The following MAMDC2 variants were observed in gnomAD, a reference collection of about 807,000 sequenced individuals.
The protein encoded by MAMDC2 is MAM domain containing 2, also known as MAM domain-containing protein 2.
MAMDC2 carries 57 observed loss-of-function variants against 89.8 expected under a neutral mutation model. The ratio of observed to expected loss-of-function variants is 0.63; its 90% confidence interval spans 0.51 to 0.79. The LOEUF (loss-of-function observed/expected upper bound fraction) is 0.79, where lower values mean the gene tolerates loss of function less well. Ranked by LOEUF, MAMDC2 falls within the 30% of genes least tolerant of loss-of-function variation. The pLI is 0.00. For missense variants in MAMDC2, 800 were observed against 820.6 expected, an observed-to-expected ratio of 0.97 and a Z score of 0.31; for synonymous variants, 313 against 293.4, an observed-to-expected ratio of 1.07 and a Z score of -0.68.
chr9:70,054,529 A>G (rs943765746), intron 2 of MAMDC2, among the ~76,000 whole-genome samples: 2 of 152,194 alleles, frequency 1.3e-5, no homozygotes, highest in Non-Finnish European at 2.9e-5. Context: ...TAGATGTGAG[A>G]AGAAAGGGGT....
At chr9:70,160,725 T>A (rs369616983) in intron 9 of MAMDC2, among the ~76,000 whole-genome samples, 2 of 152,204 alleles carry the variant, frequency 1.3e-5, no homozygotes, top group African/African-American at 4.8e-5. Context: ...AGGGAAGAGC[T>A]GCTGTGGAAA....
chr9:70,113,754 C>A (rs975255623), intron 5 of MAMDC2: 1 of 152,492 alleles, frequency 6.6e-6, no homozygotes, highest in Admixed American at 6.5e-5. Context: ...ACTGCTCTCA[C>A]CTGGACCCTG....
At chr9:70,206,681 C>T (rs2033230848) in intron 11 of MAMDC2, among the ~76,000 whole-genome samples, 1 of 151,988 alleles carries the variant, frequency 6.6e-6, no homozygotes, top group Non-Finnish European at 1.5e-5. Context: ...GCACAACGTA[C>T]ACATTTGTTA....
rs183106297 is a variant in MAMDC2, at chr9:70,151,097, C to A, written c.1404+7278C>A. 1.9e-3 allele frequency among the ~76,000 whole-genome samples: 285 copies of A among 152,302 alleles called. 1 individual carries two copies. Among genetic ancestry groups the A allele is most frequent in the Non-Finnish European group, 2.6e-3 (179 of 68,024 alleles). ...TCTCTCTGTTCCTTGAGTCCCAAGG[C>A]CTTTCCTAGCCCAGGGCCAGTGCTC... On this transcript the variant is annotated intron_variant, in intron 9 of 13. Coordinates refer to ENST00000377182, the MANE Select transcript of MAMDC2 (RefSeq NM_153267.5).
At chr9:70,060,903 T>C (rs1827135189) in intron 2 of MAMDC2, among the ~76,000 whole-genome samples, 1 of 152,214 alleles carries the variant, frequency 6.6e-6, no homozygotes. Flanking sequence ...TCAGGTAACA[T>C]GGAAAACACT....
At chr9:70,131,253 C>A (rs2030794116) in intron 6 of MAMDC2, among the ~76,000 whole-genome samples, 1 of 152,130 alleles carries the variant, frequency 6.6e-6, no homozygotes, top group South Asian at 2.1e-4. Flanking sequence ...ATTACCATTC[C>A]CTTAGGGGTT....
intron 5 of MAMDC2, among the ~76,000 whole-genome samples, chr9:70,118,062 G>A (rs2030089136): frequency 6.6e-6 from 1 of 152,178 alleles, no homozygotes; most frequent in Admixed American, 6.5e-5. Context: ...AATGTAGCAT[G>A]TGCAAAAGTG....
chr9:70,132,995 A>G (rs2030866366), intron 7 of MAMDC2, among the ~76,000 whole-genome samples: 1 of 152,224 alleles, frequency 6.6e-6, no homozygotes, highest in Admixed American at 6.5e-5. Context: ...AACAATAATC[A>G]AAGATTAAAA....
At chr9:70,105,454 A>G (rs1214375082) in intron 2 of MAMDC2, among the ~76,000 whole-genome samples, 1 of 152,152 alleles carries the variant, frequency 6.6e-6, no homozygotes, top group Non-Finnish European at 1.5e-5. Flanking sequence ...GTCTAGGAAA[A>G]TGCATCATTC....
At chr9:70,093,889 A>G (rs1250881109) in intron 2 of MAMDC2, 1 of 152,176 alleles carries the variant, frequency 6.6e-6, no homozygotes, top group Non-Finnish European at 1.5e-5. Context: ...GTTAAATACC[A>G]TATAAAGTGA....
At chr9:70,101,472 C>T (rs1323616821) in intron 2 of MAMDC2, among the ~76,000 whole-genome samples, 4 of 152,198 alleles carry the variant, frequency 2.6e-5, no homozygotes, top group Non-Finnish European at 5.9e-5. Context: ...CTCACTGACT[C>T]ACCCACACCA....
chr9:70,178,398 A>C (rs2118563902), intron 11 of MAMDC2, among the ~76,000 whole-genome samples: 2 of 152,204 alleles, frequency 1.3e-5, no homozygotes, highest in Middle Eastern at 6.8e-3. Context: ...AATGGCATTA[A>C]TCCATTAACA....
chr9:70,057,271 A>T (rs1827044096), intron 2 of MAMDC2, among the ~76,000 whole-genome samples: 1 of 152,198 alleles, frequency 6.6e-6, no homozygotes, highest in Non-Finnish European at 1.5e-5. Context: ...ATTAAAGAAC[A>T]TATCAATAAT....
At chr9:70,151,998 CAT>C (rs932238469) in intron 9 of MAMDC2, among the ~76,000 whole-genome samples, 4 of 152,126 alleles carry the variant, frequency 2.6e-5, no homozygotes, top group African/African-American at 7.2e-5. Flanking sequence ...TGAGTTGTCA[CAT>C]GTGACCAGAG....
At chr9:70,180,689 C>T (rs1015658727) in intron 11 of MAMDC2, among the ~76,000 whole-genome samples, 5 of 152,104 alleles carry the variant, frequency 3.3e-5, no homozygotes, top group African/African-American at 7.2e-5. Flanking sequence ...TCATATCCTT[C>T]GGCCACTTTT....
Position 70,126,381 on chromosome 9 carries a change from C to A in MAMDC2, c.866C>A (p.Ala289Glu), listed in dbSNP as rs147526021. ...CCAGGGAATGCTGCCTGGAACCTTG[C>A]GGAGGTCGAGTTCAGTGCTCCTTAC... ...DRPGNAAWNL[A>E]EVEFSAPYPM... is the part of the protein sequence containing the mutation. The change falls in exon 6 of 14, where the codon GCG (alanine) becomes GAG (glutamate). Residue 289 changes from alanine (A) to glutamate (E), a missense_variant. Coordinates refer to ENST00000377182, the MANE Select transcript of MAMDC2 (RefSeq NM_153267.5). 3.7e-6 allele frequency: 6 copies of A among 1,613,768 alleles called. No homozygotes were observed. The East Asian group carries it at 6.7e-5, about 18-fold the overall frequency.
intron 2 of MAMDC2, among the ~76,000 whole-genome samples, chr9:70,064,314 C>G (rs1044678042): frequency 6.6e-6 from 1 of 152,012 alleles, no homozygotes; most frequent in Non-Finnish European, 1.5e-5. Flanking sequence ...TATCCCTTAC[C>G]CCCTTTCCAC....
intron 11 of MAMDC2, among the ~76,000 whole-genome samples, chr9:70,203,743 C>G (rs1414318850): frequency 8.2e-6 from 1 of 122,068 alleles, no homozygotes; most frequent in Non-Finnish European, 1.7e-5. Flanking sequence ...TTCTTGGAGG[C>G]TTTGCTCATT....
chr9:70,077,108 G>T (rs1827548981), intron 2 of MAMDC2, among the ~76,000 whole-genome samples: 1 of 152,140 alleles, frequency 6.6e-6, no homozygotes, highest in Non-Finnish European at 1.5e-5. Context: ...CCTGTGTTTG[G>T]GGCCTGGATT....
Sources: allele counts gnomAD v4.1 joint callset (sites outside exome capture counted in the v4.1 genomes callset), GRCh38; gene constraint gnomAD v4.1.1; transcripts MANE v1.5; gene names NCBI Gene and HGNC (gene_info 2026-07-23, HGNC 2026-07-21).